Variants in CGNL1 observed in about 807,000 individuals in gnomAD.
CGNL1 encodes cingulin like 1, also known as cingulin-like protein 1.
In CGNL1, 132 loss-of-function variants were observed where a neutral mutation model predicts 141.2. That is an observed-to-expected ratio of 0.93 (90% CI 0.81 to 1.08). CGNL1 has a LOEUF of 1.08. CGNL1 is among the 50% of genes least tolerant of loss of function. The probability of loss-of-function intolerance (pLI) is 0.00; values close to 1 mark genes in which losing one functional copy is unlikely to be tolerated. For synonymous variants in CGNL1, 690 were observed against 622.1 expected (o/e 1.11, Z -1.63); for missense variants, 1,870 against 1,588.6 (o/e 1.18, Z -3.01).
At position 57,431,283 on chromosome 15, in the gene CGNL1, G is replaced by A. The variant is rs2063041588; in HGVS notation, c.-15-6702G>A. Among the ~76,000 whole-genome samples, 3 of 152,166 alleles carry A rather than the reference G, an allele frequency of 2.0e-5. No homozygotes were observed. In the South Asian group the frequency reaches 6.2e-4, roughly 31 times the overall value. On this transcript the variant is annotated intron_variant, in intron 1 of 18. Coordinates refer to ENST00000281282, the MANE Select transcript of CGNL1 (RefSeq NM_032866.5). ...CTCTGCTTTCATTTCCAAACCTCAA[G>A]TTTATTTTTGAAATTGTTTTCCCAG... is the stretch of plus-strand genomic sequence containing the variant.
At position 57,461,774 on chromosome 15, in the gene CGNL1, C is replaced by T. The variant is rs1376181297; in HGVS notation, c.2285C>T (p.Ala762Val). 2 of 1,613,982 alleles carry T rather than the reference C, an allele frequency of 1.2e-6. No individual in the cohort carries two copies. The highest frequency in any genetic ancestry group is 2.7e-5 in the African/African-American group (2 of 74,910). The stretch of plus-strand genomic sequence containing the variant: ...AGAAAGCGAGAGCGTGAACTCACCG[C>T]CCTGAAGGGAGCCCTGAAAGAAGAG... ...LLRKRERELT[A>V]LKGALKEEVS... The change falls in exon 8 of 19, where the codon GCC (alanine) becomes GTC (valine). Residue 762 changes from alanine to valine, a missense_variant. Coordinates refer to ENST00000281282, the MANE Select transcript of CGNL1 (RefSeq NM_032866.5).
At chr15:57,396,923 G>A (rs2062609325) in intron 1 of CGNL1, 1 of 152,110 alleles carries the variant, frequency 6.6e-6, no homozygotes, top group African/African-American at 2.4e-5. Flanking sequence ...CTGCCCTCTA[G>A]GAGTTTATAG....
At position 57,545,660 on chromosome 15, in the gene CGNL1, T is replaced by C; in HGVS notation, c.3569T>C (p.Val1190Ala). ...AAAGTGAAGGAGCTGGTGATGCAGGTGGATGATGAGCACCTGTCATTGACT... is the reference window on the plus strand; with the variant it reads ...AAAGTGAAGGAGCTGGTGATGCAGGCGGATGATGAGCACCTGTCATTGACT... ...ERKVKELVMQ[V>A]DDEHLSLTDQ... Residue 1190 changes from valine (V) to alanine (A), a missense_variant, in exon 17 of 19, where the codon GTG (valine) becomes GCG (alanine). Physicochemically the swap from Val to Ala is moderately conservative, Grantham distance 64. Coordinates refer to ENST00000281282, the MANE Select transcript of CGNL1 (RefSeq NM_032866.5). The C allele has an allele frequency of 1.2e-6, 2 of 1,613,642 alleles. No homozygotes were observed. The highest frequency in any genetic ancestry group is 1.7e-6 in the Non-Finnish European group (2 of 1,179,916).
At chr15:57,383,631 C>CTTTTCTTTTCT (rs1555428914) in intron 1 of CGNL1, among the ~76,000 whole-genome samples, 9 of 37,974 alleles carry the variant, frequency 2.4e-4, no homozygotes, top group South Asian at 1.2e-3. Flanking sequence ...CTTTTCTTTT[C>CTTTTCTTTTCT]TTTTTTTTTT....
At chr15:57,534,590 C>G (rs917035933) in intron 14 of CGNL1, among the ~76,000 whole-genome samples, 3 of 152,200 alleles carry the variant, frequency 2.0e-5, no homozygotes, top group Non-Finnish European at 4.4e-5. Flanking sequence ...TCTTCTGGTC[C>G]ACTTAGATTA....
intron 14 of CGNL1, among the ~76,000 whole-genome samples, chr15:57,533,871 G>C (rs1286081602): frequency 6.6e-6 from 1 of 152,228 alleles, no homozygotes; most frequent in Non-Finnish European, 1.5e-5. Context: ...GGGAACCAAG[G>C]ACTTGAAGTA....
At chr15:57,542,680 G>A (rs9989336) in intron 14 of CGNL1, among the ~76,000 whole-genome samples, 1 of 152,052 alleles carries the variant, frequency 6.6e-6, no homozygotes, top group Non-Finnish European at 1.5e-5. Context: ...CTGGGAAGCC[G>A]CTTCTGGAGT....
chr15:57,538,905 A>G (rs2032414146), intron 14 of CGNL1, among the ~76,000 whole-genome samples: 1 of 152,184 alleles, frequency 6.6e-6, no homozygotes, highest in Non-Finnish European at 1.5e-5. Flanking sequence ...AAAAGAGTGT[A>G]TGAGTTTTTG....
At chr15:57,401,171 C>T (rs2062656753) in intron 1 of CGNL1, among the ~76,000 whole-genome samples, 1 of 151,806 alleles carries the variant, frequency 6.6e-6, no homozygotes, top group Non-Finnish European at 1.5e-5. Context: ...TAATAGCTTC[C>T]TGGTGTTCCT....
At position 57,438,892 on chromosome 15, in the gene CGNL1, C is replaced by T. The variant is rs1420038339; in HGVS notation, c.893C>T (p.Ser298Leu). The T allele has an allele frequency of 3.7e-6, 6 of 1,614,058 alleles. No individual in the cohort carries two copies. Among genetic ancestry groups the T allele is most frequent in the Non-Finnish European group, 5.1e-6 (6 of 1,180,038 alleles). Reference protein sequence around the residue: ...LDGARSRRSSSSSTTPTSANS... With the variant: ...LDGARSRRSSLSSTTPTSANS... ...GGAGCTCGGTCCCGGAGGTCCTCCT[C>T]GTCATCCACAACTCCCACGTCAGCC... Residue 298 changes from serine to leucine, a missense_variant, in exon 2 of 19, where the codon TCG (serine) becomes TTG (leucine). By Grantham distance (145) the Ser-to-Leu change is moderately radical. Transcript: ENST00000281282.
intron 1 of CGNL1, among the ~76,000 whole-genome samples, chr15:57,385,731 C>T (rs1478511985): frequency 2.6e-5 from 4 of 152,206 alleles, no homozygotes; most frequent in African/African-American, 7.2e-5. Flanking sequence ...AAACAGGGTC[C>T]CCCCAACCTC....
At chr15:57,418,314 T>C (rs1014082778) in intron 1 of CGNL1, among the ~76,000 whole-genome samples, 1 of 152,218 alleles carries the variant, frequency 6.6e-6, no homozygotes, top group Admixed American at 6.5e-5. Context: ...TTCCATATAA[T>C]TGCCTCCATC....
intron 14 of CGNL1, among the ~76,000 whole-genome samples, chr15:57,532,912 C>A (rs754269314): frequency 1.6e-4 from 24 of 152,210 alleles, no homozygotes; most frequent in Admixed American, 7.2e-4. Flanking sequence ...TTTTTCAAAT[C>A]TTCCCTATTC....
At chr15:57,435,214 GA>G (rs1229677344) in intron 1 of CGNL1, among the ~76,000 whole-genome samples, 1 of 152,030 alleles carries the variant, frequency 6.6e-6, no homozygotes, top group Non-Finnish European at 1.5e-5. Flanking sequence ...ATTTTTTAGT[GA>G]ATATTTATAT....
chr15:57,538,747 T>C (rs878425), intron 14 of CGNL1, among the ~76,000 whole-genome samples: 16,276 of 152,252 alleles, frequency 0.11, 1,440 homozygotes, highest in East Asian at 0.45. Context: ...AATCCCTCCA[T>C]GCGCTCTCTG....
chr15:57,461,573 C>A, intron 7 of CGNL1, 107 bp from the exon 8 acceptor site: 1 of 882,030 alleles, frequency 1.1e-6, no homozygotes, highest in Non-Finnish European at 1.9e-6. Flanking sequence ...AGTGGCAAGG[C>A]CAGGTGAGAT....
intron 7 of CGNL1, among the ~76,000 whole-genome samples, chr15:57,456,452 C>A (rs1336883393): frequency 1.3e-5 from 2 of 150,962 alleles, no homozygotes; most frequent in African/African-American, 2.4e-5. Flanking sequence ...TATGGAGCAG[C>A]CATTCTTTTG....
In CGNL1 at chr15:57,546,046, G is replaced by A. The variant is rs150620493; in HGVS notation, c.3610-30G>A. 197 of 1,597,326 alleles carry A rather than the reference G, an allele frequency of 1.2e-4. No homozygotes were observed. The African/African-American group carries it at 2.0e-3, about 17-fold the overall frequency. On this transcript the variant is annotated intron_variant, in intron 17 of 18. Transcript: ENST00000281282. ...AGCGCTGGGGCTGGGCCATCAGCCG[G>A]CACTCAGCCCACATTCTCTCCCGGT... is the stretch of plus-strand genomic sequence containing the variant.
chr15:57,447,581 T>A (rs1419088935), intron 4 of CGNL1, among the ~76,000 whole-genome samples: 1 of 152,236 alleles, frequency 6.6e-6, no homozygotes, highest in African/African-American at 2.4e-5. Context: ...ATTTTGACTA[T>A]GACGTGCCTA....
Sources: allele counts gnomAD v4.1 joint callset (sites outside exome capture counted in the v4.1 genomes callset), GRCh38; gene constraint gnomAD v4.1.1; transcripts MANE v1.5; gene names NCBI Gene and HGNC (gene_info 2026-07-23, HGNC 2026-07-21).